GATAD2B: variants seen among roughly 807,000 people sequenced by gnomAD.
The protein encoded by GATAD2B is GATA zinc finger domain containing 2B.
Under a neutral mutation model 64.3 loss-of-function variants are expected in GATAD2B, and 8 were observed. That is an observed-to-expected ratio of 0.12 (90% CI 0.07 to 0.22). The LOEUF (loss-of-function observed/expected upper bound fraction) is 0.22, where lower values mean the gene tolerates loss of function less well. Ranked by LOEUF, GATAD2B falls within the 10% of genes least tolerant of loss-of-function variation. The pLI is 1.00. For missense variants in GATAD2B, 453 were observed against 752.0 expected (o/e 0.60, Z 4.65); for synonymous variants, 281 against 271.3 (o/e 1.04, Z -0.35).
Position 153,882,035 on chromosome 1 carries a change from G to A in GATAD2B, c.-2+40698C>T, listed in dbSNP as rs182398201. Among the ~76,000 whole-genome samples the A allele has an allele frequency of 1.6e-4, 25 of 152,148 alleles. No individual in the cohort carries two copies. In the South Asian group the frequency reaches 2.5e-3, roughly 15 times the overall value. On this transcript the variant is annotated intron_variant, in intron 1 of 10. Coordinates refer to ENST00000368655, the MANE Select transcript of GATAD2B (RefSeq NM_020699.4). The stretch of plus-strand genomic sequence containing the variant: ...CTTACTTTTACCCATGATGCCTAGC[G>A]GGGACAGGAGGGAGGGAGAGAAAAA...
chr1:153,852,797 T>C, intron 1 of GATAD2B: 2 of 916,846 alleles, frequency 2.2e-6, no homozygotes, highest in Non-Finnish European at 3.6e-6. Context: ...TTCTGAACCA[T>C]ATCATATCCT....
chr1:153,851,742 A>C (rs1450964882), intron 1 of GATAD2B, among the ~76,000 whole-genome samples: 1 of 152,200 alleles, frequency 6.6e-6, no homozygotes, highest in Non-Finnish European at 1.5e-5. Flanking sequence ...TGCTCAGATC[A>C]TACCAGAGCA....
chr1:153,876,010 T>C (rs1000574574), intron 1 of GATAD2B, among the ~76,000 whole-genome samples: 1 of 151,774 alleles, frequency 6.6e-6, no homozygotes, highest in Admixed American at 6.6e-5. Context: ...AGGCGGATCA[T>C]GAGGTCAGGA....
At chr1:153,853,313 C>T in intron 1 of GATAD2B, 1 of 809,606 alleles carries the variant, frequency 1.2e-6, no homozygotes, top group Admixed American at 1.7e-5. Flanking sequence ...TTTGTACTGA[C>T]ATGGGCTGAG....
intron 1 of GATAD2B, among the ~76,000 whole-genome samples, chr1:153,871,351 G>A (rs143496215): frequency 0.02 from 3,061 of 150,462 alleles, 110 homozygotes; most frequent in African/African-American, 0.071. Context: ...AGGCGTGAGC[G>A]ACCACACCCG....
At chr1:153,910,969 A>T (rs1678093627) in intron 1 of GATAD2B, among the ~76,000 whole-genome samples, 1 of 152,194 alleles carries the variant, frequency 6.6e-6, no homozygotes, top group Middle Eastern at 3.2e-3. Flanking sequence ...GAGCATCTGT[A>T]TATAGTACAA....
intron 1 of GATAD2B, among the ~76,000 whole-genome samples, chr1:153,904,560 G>A (rs1353575819): frequency 6.6e-6 from 1 of 152,084 alleles, no homozygotes; most frequent in Non-Finnish European, 1.5e-5. Context: ...TTTTCTTTGA[G>A]AGACAGAGTC....
chr1:153,893,822 G>A (rs921914161), intron 1 of GATAD2B, among the ~76,000 whole-genome samples: 2 of 151,032 alleles, frequency 1.3e-5, no homozygotes, highest in African/African-American at 4.9e-5. Flanking sequence ...GCCAGGCATC[G>A]TGGCAGGTGC....
intron 1 of GATAD2B, among the ~76,000 whole-genome samples, chr1:153,893,907 G>A (rs1041545308): frequency 1.8e-4 from 24 of 133,126 alleles, no homozygotes; most frequent in African/African-American, 5.6e-4. Context: ...GCAGTGAGCC[G>A]AGATCGCACC....
intron 2 of GATAD2B, among the ~76,000 whole-genome samples, chr1:153,822,657 C>T (rs1179295718): frequency 6.6e-6 from 1 of 152,006 alleles, no homozygotes; most frequent in Admixed American, 6.6e-5. Context: ...GTGCCCGCCA[C>T]CACACCCGGC....
At chr1:153,919,760 T>C (rs1455401019) in intron 1 of GATAD2B, among the ~76,000 whole-genome samples, 2 of 152,242 alleles carry the variant, frequency 1.3e-5, no homozygotes, top group Non-Finnish European at 2.9e-5. Context: ...TGGACAGCTT[T>C]ATGCCAGGAC....
At chr1:153,861,369 T>C (rs1049217223) in intron 1 of GATAD2B, among the ~76,000 whole-genome samples, 9 of 150,854 alleles carry the variant, frequency 6.0e-5, no homozygotes, top group Admixed American at 6.0e-4. Context: ...CTGGGCAACA[T>C]AGTGAGCCAC....
intron 1 of GATAD2B, among the ~76,000 whole-genome samples, 160 bp downstream of exon 1, chr1:153,922,573 C>A (rs1320323647): frequency 6.7e-6 from 1 of 149,822 alleles, no homozygotes. Context: ...GGCGCGCGGG[C>A]GGGCGTCGGC....
intron 1 of GATAD2B, among the ~76,000 whole-genome samples, chr1:153,833,377 A>G (rs980152587): frequency 3.3e-5 from 5 of 152,200 alleles, no homozygotes; most frequent in Non-Finnish European, 7.3e-5. Context: ...CCCTTTCAAA[A>G]TATTACTGCT....
intron 1 of GATAD2B, among the ~76,000 whole-genome samples, chr1:153,901,857 T>A (rs7516574): frequency 0.66 from 96,691 of 146,100 alleles, 32,530 homozygotes; most frequent in East Asian, 0.71. Flanking sequence ...ATAAATAAAT[T>A]AAATAAAATG....
intron 7 of GATAD2B, among the ~76,000 whole-genome samples, chr1:153,815,294 A>AAG (rs1674437766): frequency 1.5e-5 from 2 of 129,784 alleles, no homozygotes; most frequent in Non-Finnish European, 3.4e-5. Context: ...AAAAAAAAAC[A>AAG]AAAAAAAAAA....
At chr1:153,848,267 C>A (rs146646814) in intron 1 of GATAD2B, among the ~76,000 whole-genome samples, 27 of 152,338 alleles carry the variant, frequency 1.8e-4, no homozygotes, top group African/African-American at 6.5e-4. Flanking sequence ...AAAACCACTT[C>A]AGTTCAGGTT....
At chr1:153,840,732 CATTTTT>C (rs1227116337) in intron 1 of GATAD2B, among the ~76,000 whole-genome samples, 1 of 152,166 alleles carries the variant, frequency 6.6e-6, no homozygotes, top group Non-Finnish European at 1.5e-5. Context: ...AGAAAATTTT[CATTTTT>C]ATGTTTCCAC....
At chr1:153,911,280 CAGAG>C (rs1678100744) in intron 1 of GATAD2B, among the ~76,000 whole-genome samples, 1 of 151,156 alleles carries the variant, frequency 6.6e-6, no homozygotes, top group Non-Finnish European at 1.5e-5. Context: ...TAAAGAAAGA[CAGAG>C]AGCAAGAGGA....
Sources: gnomAD v4.1 joint callset for allele counts (sites outside exome capture counted in the v4.1 genomes callset) on GRCh38, gnomAD v4.1.1 for gene constraint, MANE v1.5 for transcripts, NCBI Gene and HGNC (gene_info 2026-07-23, HGNC 2026-07-21) for gene names.